The following HERC6 variants were observed in gnomAD, a reference collection of about 807,000 sequenced individuals.
HERC6 encodes HECT and RLD domain containing E3 ubiquitin protein ligase family member 6.
Under a neutral mutation model 114.5 loss-of-function variants are expected in HERC6, and 101 were observed. The ratio of observed to expected loss-of-function variants is 0.88; its 90% CI spans 0.75 to 1.04. HERC6 has a LOEUF of 1.04. Among genes scored for constraint, HERC6 ranks in the 50% least tolerant of loss-of-function variants. The pLI is 0.00. For missense variants in HERC6, 1,133 were observed against 1,230.9 expected, an observed-to-expected ratio of 0.92 and a Z score of 1.19; for synonymous variants, 408 against 436.2, an observed-to-expected ratio of 0.94 and a Z score of 0.81.
At chr4:88,436,877 T>C (rs1738806066) in intron 18 of HERC6, 28 bp from the exon 19 acceptor site, 4 of 1,534,666 alleles carry the variant, frequency 2.6e-6, no homozygotes, top group Non-Finnish European at 3.6e-6. Flanking sequence ...TCAATAAATA[T>C]AATTTTTAAA....
chr4:88,415,124 C>T (rs1407503071), intron 12 of HERC6, among the ~76,000 whole-genome samples: 1 of 152,118 alleles, frequency 6.6e-6, no homozygotes, highest in Non-Finnish European at 1.5e-5. Flanking sequence ...TCTTGTGTAA[C>T]GTTTGAAAGA....
chr4:88,436,998 A>G, intron 19 of HERC6, 27 bp downstream of exon 19: 1 of 1,502,668 alleles, frequency 6.7e-7, no homozygotes, highest in Non-Finnish European at 9.1e-7. Flanking sequence ...GCCAAATTAT[A>G]GTTTAGCTTT....
intron 12 of HERC6, among the ~76,000 whole-genome samples, chr4:88,414,643 C>T (rs1204480739): frequency 6.6e-6 from 1 of 152,128 alleles, no homozygotes; most frequent in Non-Finnish European, 1.5e-5. Context: ...TCATACCTCC[C>T]CTTTTTAGAT....
At chr4:88,412,213 T>A (rs1001253211) in intron 11 of HERC6, among the ~76,000 whole-genome samples, 2 of 152,204 alleles carry the variant, frequency 1.3e-5, no homozygotes, top group East Asian at 3.8e-4. Flanking sequence ...CGAGATCACC[T>A]GACACATTGT....
intron 18 of HERC6, 108 bp downstream of exon 18, chr4:88,435,999 T>C (rs1738697440): frequency 1.3e-6 from 1 of 757,510 alleles, no homozygotes; most frequent in South Asian, 3.6e-5. Context: ...ATTTCAATAA[T>C]GTATGCTCTT....
chr4:88,379,131 G>A lies in HERC6; in HGVS notation c.199+11G>A. Reference sequence around the variant, plus strand: ...GCGGGGAGCTGCCAGGTGAGCGGGGGGCCCCAGGTGCAGGGTGTGAGGACC... The same window carrying A: ...GCGGGGAGCTGCCAGGTGAGCGGGGAGCCCCAGGTGCAGGGTGTGAGGACC... On this transcript the variant is annotated intron_variant, in intron 1 of 22. Transcript: ENST00000264346. 2 of 1,535,080 alleles carry A rather than the reference G, an allele frequency of 1.3e-6. No homozygotes were observed. The highest frequency in any genetic ancestry group is 1.2e-5 in the South Asian group (1 of 83,628).
intron 8 of HERC6, among the ~76,000 whole-genome samples, chr4:88,402,004 A>G (rs1258635846): frequency 6.6e-6 from 1 of 152,222 alleles, no homozygotes; most frequent in Non-Finnish European, 1.5e-5. Context: ...AAATGGACAA[A>G]AGAGTTATAG....
At chr4:88,413,580 A>T (rs966912163) in intron 12 of HERC6, among the ~76,000 whole-genome samples, 10 of 152,174 alleles carry the variant, frequency 6.6e-5, no homozygotes, top group African/African-American at 1.9e-4. Flanking sequence ...ATCAATCCAT[A>T]CTTTAAAATT....
chr4:88,397,421 T>C (rs1735302910), intron 7 of HERC6, among the ~76,000 whole-genome samples: 1 of 152,072 alleles, frequency 6.6e-6, no homozygotes, highest in South Asian at 2.1e-4. Context: ...TGTACATATA[T>C]ATATGGTGCA....
At chr4:88,386,230 G>C (rs944274890) in intron 3 of HERC6, among the ~76,000 whole-genome samples, 3 of 146,826 alleles carry the variant, frequency 2.0e-5, no homozygotes, top group Admixed American at 1.4e-4. Flanking sequence ...TTTTGAGATG[G>C]AGTCTTGTTC....
Position 88,398,187 on chromosome 4 carries a change from C to T in HERC6, c.1070C>T (p.Ala357Val). Residue 357 changes from alanine to valine, a missense_variant, in exon 8 of 23, where the codon GCC (alanine) becomes GTC (valine). Physicochemically the swap from Ala to Val is moderately conservative, Grantham distance 64 (BLOSUM62 0). This residue lies in a region of HERC6 where 735 missense variants were observed against 754.0 expected (regional missense o/e 0.97). Transcript: ENST00000264346. Reference sequence around the variant, plus strand: ...AAACACATTTTTGCTGGAACATATGCCAACTTTGTGACAACTCATCAGGTA... The same window carrying T: ...AAACACATTTTTGCTGGAACATATGTCAACTTTGTGACAACTCATCAGGTA... ...QVKHIFAGTY[A>V]NFVTTHQDTS... 1 of 1,595,246 alleles carries T rather than the reference C, an allele frequency of 6.3e-7. No homozygotes were observed. Among genetic ancestry groups the T allele is most frequent in the Non-Finnish European group, 8.5e-7 (1 of 1,171,326 alleles).
chr4:88,378,972 G>C lies in HERC6; in HGVS notation c.51G>C (p.Thr17=), dbSNP rs770403679. The change falls in exon 1 of 23, where the codon ACG becomes ACC. Residue 17 remains threonine, a synonymous_variant. Coordinates refer to ENST00000264346, the MANE Select transcript of HERC6 (RefSeq NM_017912.4). ...CCAGGGAGCTGCAGCGCCGGAGGAC[G>C]GCGGGCAGCCCCGGGGCTGAGCTAC... ...ADSRELQRRR[T]AGSPGAELLQ... 33 of 1,589,050 alleles carry C rather than the reference G, an allele frequency of 2.1e-5. No homozygotes were observed. Among genetic ancestry groups the C allele is most frequent in the Non-Finnish European group, 2.4e-5 (28 of 1,169,142 alleles).
chr4:88,400,197 G>A (rs1164381956), intron 8 of HERC6, among the ~76,000 whole-genome samples: 2 of 152,114 alleles, frequency 1.3e-5, no homozygotes, highest in Non-Finnish European at 2.9e-5. Flanking sequence ...TTTTGTTTTT[G>A]TTTGTTTGTT....
At chr4:88,406,795 G>A (rs187448971) in intron 10 of HERC6, among the ~76,000 whole-genome samples, 1 of 152,056 alleles carries the variant, frequency 6.6e-6, no homozygotes, top group African/African-American at 2.4e-5. Context: ...GTCTCACTCT[G>A]TCACCCAGGC....
chr4:88,379,183 T>TACCGGGCGCAGGGA lies in HERC6; in HGVS notation c.199+70_199+83dup. On this transcript the variant is annotated intron_variant, in intron 1 of 22. Coordinates refer to ENST00000264346, the MANE Select transcript of HERC6 (RefSeq NM_017912.4). Reference sequence around the variant, plus strand: ...CAGTACATGGGCGCGGGGGCTTGGGTACCGGGCGCAGGGAACCGGGTGCGG... The same window carrying TACCGGGCGCAGGGA: ...CAGTACATGGGCGCGGGGGCTTGGGTACCGGGCGCAGGGAACCGGGCGCAGGGAACCGGGTGCGG... 3 of 1,310,982 alleles carry TACCGGGCGCAGGGA rather than the reference T, an allele frequency of 2.3e-6. No homozygotes were observed. In the African/African-American group the frequency reaches 4.6e-5, roughly 20 times the overall value. The allele number at this position is 1,310,982 out of a possible 1,614,324, so 81.2% of individuals were successfully genotyped here. A position where few individuals can be genotyped will look rare whatever the true frequency, so the allele number is the denominator to read the frequency against.
rs1168384061 is a variant in HERC6, at chr4:88,435,704, G to A, written c.2251-21G>A. On this transcript the variant is annotated intron_variant, in intron 17 of 22. Coordinates refer to ENST00000264346, the MANE Select transcript of HERC6 (RefSeq NM_017912.4). ...TACTAATTATTTATAATACCTTAGG[G>A]ATTTTTTTCTTCTTTTCTAGCCTAA... 12 of 1,425,324 alleles carry A rather than the reference G, an allele frequency of 8.4e-6. No homozygotes were observed. The Admixed American group carries it at 3.2e-4, about 38-fold the overall frequency. The allele number at this position is 1,425,324 out of a possible 1,614,324, so 88.3% of individuals were successfully genotyped here. A position where few individuals can be genotyped will look rare whatever the true frequency, so the allele number is the denominator to read the frequency against.
At position 88,428,453 on chromosome 4, in the gene HERC6, G is replaced by A. The variant is rs184508628; in HGVS notation, c.1936-127G>A. The A allele has an allele frequency of 6.3e-5, 40 of 635,862 alleles. No homozygotes were observed. In the Admixed American group the frequency reaches 8.9e-4, roughly 14 times the overall value. 39.4% of individuals were successfully genotyped at this position (635,862 alleles called of 1,614,324 possible). ...GTCTGTTTTCTTAAATAATTACAAT[G>A]TGAATGTTTATAGCAATGGCAGGAT... On this transcript the variant is annotated intron_variant, in intron 15 of 22. Coordinates refer to ENST00000264346, the MANE Select transcript of HERC6 (RefSeq NM_017912.4).
chr4:88,432,734 T>G (rs1012978159), intron 17 of HERC6, among the ~76,000 whole-genome samples: 7 of 149,144 alleles, frequency 4.7e-5, no homozygotes, highest in Non-Finnish European at 8.9e-5. Context: ...GTTTCAAAAA[T>G]AAAAGGTGCT....
intron 3 of HERC6, among the ~76,000 whole-genome samples, chr4:88,390,177 C>CA (rs1156777502): frequency 0.063 from 3,056 of 48,590 alleles, 407 homozygotes; most frequent in African/African-American, 0.22. Context: ...AACTCTGTAT[C>CA]AAAAAAAAAA....
Sources: allele counts gnomAD v4.1 joint callset (sites outside exome capture counted in the v4.1 genomes callset), GRCh38; gene constraint gnomAD v4.1.1; regional missense constraint gnomAD v4.1.1; transcripts MANE v1.5; gene names NCBI Gene and HGNC (gene_info 2026-07-23, HGNC 2026-07-21).